CTIF: variants seen among roughly 807,000 people sequenced by gnomAD.
CTIF encodes the protein CBP80/20-dependent translation initiation factor.
Under a neutral mutation model 66.0 loss-of-function variants are expected in CTIF, and 21 were observed. The observed-to-expected ratio is 0.32, with a 90% confidence interval of 0.23 to 0.46. The LOEUF is 0.46. Among genes scored for constraint, CTIF ranks in the 20% least tolerant of loss-of-function variants. The pLI, the probability that CTIF is intolerant of heterozygous loss-of-function variation, is 1.00. For missense variants in CTIF, 739 were observed against 812.7 expected (o/e 0.91, Z 1.10); for synonymous variants, 345 against 326.4 (o/e 1.06, Z -0.62).
intron 3 of CTIF, among the ~76,000 whole-genome samples, chr18:48,659,755 A>C (rs1299074886): frequency 6.6e-6 from 1 of 152,158 alleles, no homozygotes; most frequent in Non-Finnish European, 1.5e-5. Context: ...GCGAGAGAGG[A>C]AGGAGAAGCA....
intron 1 of CTIF, among the ~76,000 whole-genome samples, chr18:48,561,899 C>CA: frequency 6.6e-6 from 1 of 152,206 alleles, no homozygotes; most frequent in South Asian, 2.1e-4. Flanking sequence ...AGACTAACTC[C>CA]AGCCCAATGC....
chr18:48,789,134 A>G (rs572154623), intron 9 of CTIF, among the ~76,000 whole-genome samples: 1 of 152,254 alleles, frequency 6.6e-6, no homozygotes, highest in African/African-American at 2.4e-5. Context: ...CCTCTGAACC[A>G]TTGCTTCCTT....
chr18:48,664,925 T>TTTA (rs2091412185), intron 5 of CTIF, among the ~76,000 whole-genome samples: 1 of 142,074 alleles, frequency 7.0e-6, no homozygotes. Flanking sequence ...TTTTTTTTTT[T>TTTA]GAGACGGAGT....
At chr18:48,800,162 T>C (rs2068019355) in intron 9 of CTIF, among the ~76,000 whole-genome samples, 1 of 152,168 alleles carries the variant, frequency 6.6e-6, no homozygotes, top group Non-Finnish European at 1.5e-5. Context: ...GGTGACAGGA[T>C]GGATTTTTCT....
intron 7 of CTIF, among the ~76,000 whole-genome samples, chr18:48,751,193 C>T (rs1254432714): frequency 6.6e-6 from 1 of 152,112 alleles, no homozygotes; most frequent in Non-Finnish European, 1.5e-5. Flanking sequence ...GTGAACTGCC[C>T]GAGTCCAGGG....
At chr18:48,550,120 C>T (rs1298869314) in intron 1 of CTIF, among the ~76,000 whole-genome samples, 1 of 152,158 alleles carries the variant, frequency 6.6e-6, no homozygotes, top group Non-Finnish European at 1.5e-5. Flanking sequence ...CCCAGGTGTT[C>T]CATGGATGCC....
At chr18:48,552,036 T>C (rs916285251) in intron 1 of CTIF, among the ~76,000 whole-genome samples, 5 of 152,272 alleles carry the variant, frequency 3.3e-5, no homozygotes, top group East Asian at 3.9e-4. Context: ...TCTCCTGACC[T>C]CGTGATCCGC....
rs980805777 is a variant in CTIF at position 48,797,495 on chromosome 18, G to GC, written c.1372-19726_1372-19725insC. On this transcript the variant is annotated intron_variant, in intron 9 of 11. Transcript: ENST00000256413. ...AAGACTCCATCCAAAAAAGAAAAGG[G>GC]GTGGGGGGGCAAGTTTCTGAGTTCT... 4.7e-5 allele frequency among the ~76,000 whole-genome samples: 7 copies of GC among 148,152 alleles called. No homozygotes were observed. The South Asian group carries it at 1.1e-3, about 23-fold the overall frequency.
intron 1 of CTIF, among the ~76,000 whole-genome samples, chr18:48,546,378 G>A (rs1427258631): frequency 6.6e-6 from 1 of 152,140 alleles, no homozygotes; most frequent in African/African-American, 2.4e-5. Context: ...TGGGGTGGGA[G>A]GTCAGTCAGG....
chr18:48,569,668 A>G (rs1016008223), intron 1 of CTIF, among the ~76,000 whole-genome samples: 12 of 152,144 alleles, frequency 7.9e-5, no homozygotes, highest in Admixed American at 7.9e-4. Flanking sequence ...TGTAATTAAA[A>G]TTTTGCTGAA....
intron 9 of CTIF, among the ~76,000 whole-genome samples, chr18:48,792,880 G>A (rs1483665847): frequency 6.6e-6 from 1 of 152,186 alleles, no homozygotes; most frequent in African/African-American, 2.4e-5. Flanking sequence ...GTGGACAGTT[G>A]GAGCCCGGCA....
At chr18:48,562,659 G>C (rs2089189476) in intron 1 of CTIF, among the ~76,000 whole-genome samples, 1 of 152,200 alleles carries the variant, frequency 6.6e-6, no homozygotes, top group Non-Finnish European at 1.5e-5. Context: ...TGGTTGTTGG[G>C]AACTTATGCA....
intron 9 of CTIF, among the ~76,000 whole-genome samples, chr18:48,771,773 G>T (rs1010079856): frequency 6.6e-6 from 1 of 152,222 alleles, no homozygotes; most frequent in Non-Finnish European, 1.5e-5. Context: ...AGGCAGGCAG[G>T]AGACAGCAGA....
chr18:48,796,468 A>G lies in CTIF; in HGVS notation c.1372-20753A>G, dbSNP rs145272805. Among the ~76,000 whole-genome samples the G allele has an allele frequency of 1.4e-3, 210 of 152,126 alleles. 1 individual carries two copies. Among genetic ancestry groups the G allele is most frequent in the Non-Finnish European group, 7.4e-4 (50 of 67,984 alleles). ...TGGGATTACAGGTGTGAGCCACCAC[A>G]CCTGGCCTGAATGCCCAGTTTTGAA... On this transcript the variant is annotated intron_variant, in intron 9 of 11. Coordinates refer to ENST00000256413, the MANE Select transcript of CTIF (RefSeq NM_014772.3).
chr18:48,840,221 G>A (rs147828080), intron 10 of CTIF, among the ~76,000 whole-genome samples: 9 of 152,326 alleles, frequency 5.9e-5, no homozygotes, highest in African/African-American at 2.2e-4. Context: ...AGGGCAGGAT[G>A]CATCCTTAGA....
chr18:48,708,065 G>A (rs1407154024), intron 6 of CTIF, among the ~76,000 whole-genome samples: 1 of 152,082 alleles, frequency 6.6e-6, no homozygotes, highest in Non-Finnish European at 1.5e-5. Context: ...CCTCTTTATG[G>A]CCATATAATA....
intron 10 of CTIF, among the ~76,000 whole-genome samples, chr18:48,831,647 G>C (rs11082707): frequency 0.48 from 73,714 of 152,134 alleles, 18,939 homozygotes; most frequent in South Asian, 0.7. Context: ...GAGCAACATG[G>C]CCAGTAACAA....
intron 1 of CTIF, among the ~76,000 whole-genome samples, chr18:48,600,043 C>T (rs1412900792): frequency 6.6e-6 from 1 of 152,190 alleles, no homozygotes. Context: ...GTCTAATAAT[C>T]TCCATGCCTC....
At chr18:48,843,008 G>T (rs529160472) in intron 10 of CTIF, among the ~76,000 whole-genome samples, 1 of 152,120 alleles carries the variant, frequency 6.6e-6, no homozygotes, top group Admixed American at 6.5e-5. Context: ...CTGCTTGCCC[G>T]GGGTCCCAGC....
Sources: gnomAD v4.1 joint callset for allele counts (sites outside exome capture counted in the v4.1 genomes callset) on GRCh38, gnomAD v4.1.1 for gene constraint, MANE v1.5 for transcripts, NCBI Gene and HGNC (gene_info 2026-07-23, HGNC 2026-07-21) for gene names.